Variants in SPEF2 observed in about 807,000 individuals in gnomAD.
SPEF2 encodes sperm flagellar and cilia associated 2.
SPEF2 carries 187 observed loss-of-function variants against 224.6 expected under a neutral mutation model. The ratio of observed to expected loss-of-function variants is 0.83; its 90% confidence interval spans 0.74 to 0.94. The LOEUF (loss-of-function observed/expected upper bound fraction) is 0.94, where lower values mean the gene tolerates loss of function less well. Ranked by LOEUF, SPEF2 falls within the 40% of genes least tolerant of loss-of-function variation. SPEF2 has a pLI of 0.00. For synonymous variants in SPEF2, 715 were observed against 707.3 expected (o/e 1.01, Z -0.17); for missense variants, 2,170 against 2,135.6 (o/e 1.02, Z -0.32).
At chr5:35,768,201 C>G (rs1358903157) in intron 26 of SPEF2, among the ~76,000 whole-genome samples, 1 of 152,056 alleles carries the variant, frequency 6.6e-6, no homozygotes, top group Non-Finnish European at 1.5e-5. Context: ...TGCTGCTATG[C>G]TGATGATGCT....
At chr5:35,655,831 G>T (rs1008652719) in intron 7 of SPEF2, among the ~76,000 whole-genome samples, 1 of 152,194 alleles carries the variant, frequency 6.6e-6, no homozygotes, top group Admixed American at 6.5e-5. Flanking sequence ...TTTCCTGTTT[G>T]AATGCAAAGC....
At chr5:35,745,129 C>T (rs1748281858) in intron 23 of SPEF2, among the ~76,000 whole-genome samples, 1 of 152,120 alleles carries the variant, frequency 6.6e-6, no homozygotes, top group South Asian at 2.1e-4. Flanking sequence ...GAGAGCTGAG[C>T]GAAATACAGG....
chr5:35,795,899 T>G, intron 33 of SPEF2, 104 bp downstream of exon 33: 1 of 935,208 alleles, frequency 1.1e-6, no homozygotes, highest in Non-Finnish European at 1.7e-6. Context: ...CCCCTGCCCC[T>G]CAATTCCTCT....
At chr5:35,794,947 A>C (rs1039975362) in intron 32 of SPEF2, among the ~76,000 whole-genome samples, 1 of 151,968 alleles carries the variant, frequency 6.6e-6, no homozygotes, top group African/African-American at 2.4e-5. Context: ...CCATTTGAAA[A>C]GGCCCACTTG....
At chr5:35,645,117 GA>G (rs1422008388) in intron 4 of SPEF2, among the ~76,000 whole-genome samples, 6 of 152,120 alleles carry the variant, frequency 3.9e-5, no homozygotes, top group African/African-American at 1.4e-4. Context: ...GTGGGTGAGA[GA>G]ATAATGGTAC....
intron 25 of SPEF2, among the ~76,000 whole-genome samples, chr5:35,760,883 A>C (rs1361900477): frequency 6.6e-6 from 1 of 152,206 alleles, no homozygotes; most frequent in African/African-American, 2.4e-5. Flanking sequence ...AAATCCTTAA[A>C]AATTAAATGA....
At chr5:35,761,137 G>A (rs1475998690) in intron 25 of SPEF2, among the ~76,000 whole-genome samples, 1 of 152,280 alleles carries the variant, frequency 6.6e-6, no homozygotes, top group East Asian at 1.9e-4. Context: ...GTCAATGCAG[G>A]TGTCAGGAGC....
At chr5:35,625,795 A>G (rs1047028667) in intron 1 of SPEF2, among the ~76,000 whole-genome samples, 2 of 152,168 alleles carry the variant, frequency 1.3e-5, no homozygotes, top group Admixed American at 6.5e-5. Flanking sequence ...TCATGGTGGC[A>G]ACGAGAGCTT....
intron 21 of SPEF2, among the ~76,000 whole-genome samples, chr5:35,732,798 T>C (rs546062022): frequency 2.0e-3 from 305 of 152,328 alleles, no homozygotes; most frequent in Non-Finnish European, 2.6e-3. Context: ...GCAGTTTCAC[T>C]TTATGATTTC....
At chr5:35,741,743 T>A (rs1437478020) in intron 23 of SPEF2, among the ~76,000 whole-genome samples, 1 of 152,204 alleles carries the variant, frequency 6.6e-6, no homozygotes, top group South Asian at 2.1e-4. Flanking sequence ...TCAAATGTCC[T>A]GGTAAAATTG....
chr5:35,730,153 C>A (rs1428366450), intron 21 of SPEF2, among the ~76,000 whole-genome samples: 1 of 152,176 alleles, frequency 6.6e-6, no homozygotes, highest in Non-Finnish European at 1.5e-5. Context: ...CTTCAACAGA[C>A]AAATGATGGG....
At chr5:35,798,935 G>T (rs1757046887) in intron 33 of SPEF2, among the ~76,000 whole-genome samples, 1 of 152,050 alleles carries the variant, frequency 6.6e-6, no homozygotes, top group African/African-American at 2.4e-5. Flanking sequence ...ATTTTTGTTG[G>T]ATTTTCCAAA....
At chr5:35,798,557 C>T (rs1756997835) in intron 33 of SPEF2, among the ~76,000 whole-genome samples, 1 of 152,090 alleles carries the variant, frequency 6.6e-6, no homozygotes, top group Admixed American at 6.6e-5. Context: ...CTTTCCTTGG[C>T]CTGCTCTTTT....
intron 24 of SPEF2, among the ~76,000 whole-genome samples, chr5:35,754,010 C>T (rs187534547): frequency 6.6e-6 from 1 of 152,088 alleles, no homozygotes; most frequent in Non-Finnish European, 1.5e-5. Context: ...CCCAGGTGGC[C>T]TAGATATGTA....
chr5:35,739,080 A>G (rs115732263), intron 21 of SPEF2, among the ~76,000 whole-genome samples: 2,295 of 152,304 alleles, frequency 0.015, 24 homozygotes, highest in Non-Finnish European at 0.027. Flanking sequence ...GTGTTCAAAC[A>G]TGTTATAAAA....
Position 35,789,361 on chromosome 5 carries a change from A to G in SPEF2, c.4448-2979A>G, listed in dbSNP as rs7714297. ...TAGAGTCAATGCTGGAAATGCTCCA[A>G]ATGTATCAAACAAGGTGAGAGGTTG... On this transcript the variant is annotated intron_variant, in intron 30 of 36. Transcript: ENST00000356031. The G allele has an allele frequency of 9.2e-3, 6,492 of 703,356 alleles. 300 individuals carry two copies. The African/African-American group carries it at 0.1, about 11-fold the overall frequency. 43.6% of individuals were successfully genotyped at this position (703,356 alleles called of 1,614,324 possible). A position where few individuals can be genotyped will look rare whatever the true frequency, so the allele number is the denominator to read the frequency against.
rs79043755 is a variant in SPEF2, at chr5:35,730,839, C to T, written c.3063+3016C>T. Among the ~76,000 whole-genome samples, 497 of 152,218 alleles carry T rather than the reference C, an allele frequency of 3.3e-3. 5 individuals carry two copies. The highest frequency in any genetic ancestry group is 0.012 in the African/African-American group (478 of 41,526). On this transcript the variant is annotated intron_variant, in intron 21 of 36. Coordinates refer to ENST00000356031, the MANE Select transcript of SPEF2 (RefSeq NM_024867.4). ...TTGGCCTCTAAACAGGAATAAGGCT[C>T]TAAGAGAAATGGATGGGCTCAAATC...
chr5:35,642,996 A>G (rs1035261845), intron 3 of SPEF2, among the ~76,000 whole-genome samples: 6 of 152,156 alleles, frequency 3.9e-5, no homozygotes, highest in African/African-American at 1.2e-4. Flanking sequence ...CTCAGCTTCA[A>G]TTTCCCCAAC....
Position 35,790,023 on chromosome 5 carries a change from A to G in SPEF2, c.4448-2317A>G, listed in dbSNP as rs192835531. 3.8e-5 allele frequency: 27 copies of G among 701,980 alleles called. No individual in the cohort carries two copies. The East Asian group carries it at 7.2e-4, about 19-fold the overall frequency. 43.5% of individuals were successfully genotyped at this position (701,980 alleles called of 1,614,324 possible). On this transcript the variant is annotated intron_variant, in intron 30 of 36. Coordinates refer to ENST00000356031, the MANE Select transcript of SPEF2 (RefSeq NM_024867.4). ...TTTTACATTTCTTCTCCTCCCTCCTAGATTTCAGAACATTCGAAAATTGAC... is the reference window on the plus strand; with the variant it reads ...TTTTACATTTCTTCTCCTCCCTCCTGGATTTCAGAACATTCGAAAATTGAC...
Sources: allele counts gnomAD v4.1 joint callset (sites outside exome capture counted in the v4.1 genomes callset), GRCh38; gene constraint gnomAD v4.1.1; transcripts MANE v1.5; gene names NCBI Gene and HGNC (gene_info 2026-07-23, HGNC 2026-07-21).